IMPG2: variants seen among roughly 807,000 people sequenced by gnomAD.
IMPG2 encodes the protein interphotoreceptor matrix proteoglycan 2.
IMPG2 carries 91 observed loss-of-function variants against 129.2 expected under a neutral mutation model. The ratio of observed to expected loss-of-function variants is 0.70; its 90% CI spans 0.59 to 0.84. IMPG2 has a LOEUF of 0.84. Among genes scored for constraint, IMPG2 ranks in the 40% least tolerant of loss-of-function variants. The pLI is 0.00. For synonymous variants in IMPG2, 510 were observed against 517.7 expected (o/e 0.99, Z 0.20); for missense variants, 1,430 against 1,461.7 (o/e 0.98, Z 0.35).
intron 3 of IMPG2, among the ~76,000 whole-genome samples, chr3:101,291,753 G>A (rs1707016672): frequency 6.6e-6 from 1 of 152,044 alleles, no homozygotes. Context: ...TTCTTAATGG[G>A]CTCAAATAAC....
At chr3:101,303,068 C>T (rs768635335) in intron 3 of IMPG2, among the ~76,000 whole-genome samples, 7 of 152,104 alleles carry the variant, frequency 4.6e-5, no homozygotes, top group Non-Finnish European at 7.4e-5. Flanking sequence ...TGATTATACA[C>T]AAAATAGCTC....
chr3:101,304,111 A>C (rs368124028), intron 3 of IMPG2, 35 bp downstream of exon 3: 32 of 1,609,368 alleles, frequency 2.0e-5, no homozygotes, highest in Middle Eastern at 3.3e-4. Flanking sequence ...CTCCTACAAT[A>C]GTCCAGGAAT....
intron 14 of IMPG2, among the ~76,000 whole-genome samples, chr3:101,234,710 A>G (rs116202085): frequency 0.019 from 2,829 of 152,308 alleles, 84 homozygotes; most frequent in African/African-American, 0.065. Context: ...AGTGAGGGAT[A>G]GGAGTGTCTA....
chr3:101,228,751 CTGT>C (rs1167545521), intron 18 of IMPG2, 43 bp downstream of exon 18: 9 of 1,441,008 alleles, frequency 6.2e-6, no homozygotes, highest in Non-Finnish European at 7.8e-6. Flanking sequence ...CTAGAGTAAA[CTGT>C]TAAGTCTGTA....
In IMPG2 at chr3:101,246,107, T is replaced by TG. The variant is rs762013280; in HGVS notation, c.1240-3dup. ...CCATGCAGCTTGAAAGGTATTATCC[T>TG]GGGGGGAAAAAAAGGCTAAATCATA... On this transcript the variant is annotated splice_region_variant and splice_polypyrimidine_tract_variant and intron_variant, in intron 11 of 18. Coordinates refer to ENST00000193391, the MANE Select transcript of IMPG2 (RefSeq NM_016247.4). The TG allele has an allele frequency of 3.1e-6, 5 of 1,612,072 alleles. No individual in the cohort carries two copies. The highest frequency in any genetic ancestry group is 4.2e-6 in the Non-Finnish European group (5 of 1,179,424).
intron 10 of IMPG2, among the ~76,000 whole-genome samples, chr3:101,255,954 C>T (rs774011546): frequency 1.3e-5 from 2 of 151,090 alleles, no homozygotes; most frequent in Non-Finnish European, 2.9e-5. Flanking sequence ...AAGCCCAGAC[C>T]ACTTTGTGAC....
At chr3:101,279,117 C>T (rs1706867678) in intron 4 of IMPG2, among the ~76,000 whole-genome samples, 1 of 152,182 alleles carries the variant, frequency 6.6e-6, no homozygotes, top group Non-Finnish European at 1.5e-5. Flanking sequence ...TTCCCAGGCT[C>T]ACACAAAAAT....
At chr3:101,303,199 G>T (rs1274902139) in intron 3 of IMPG2, among the ~76,000 whole-genome samples, 1 of 151,990 alleles carries the variant, frequency 6.6e-6, no homozygotes, top group Non-Finnish European at 1.5e-5. Context: ...ATACAATGTG[G>T]TTATTGCTCA....
intron 13 of IMPG2, among the ~76,000 whole-genome samples, chr3:101,243,322 C>G (rs1189818586): frequency 1.3e-5 from 2 of 152,206 alleles, no homozygotes; most frequent in African/African-American, 4.8e-5. Context: ...TCACATCACT[C>G]TCATGCCACT....
Position 101,225,544 on chromosome 3 carries a change from G to A in IMPG2, c.*1425C>T, listed in dbSNP as rs1004105110. ...ACTGAGCCCAGATATTTAGTTTCCGGTGTCCTCATAATGAGCAGAATTGGC... is the reference window on the plus strand; with the variant it reads ...ACTGAGCCCAGATATTTAGTTTCCGATGTCCTCATAATGAGCAGAATTGGC... On this transcript the variant is annotated 3_prime_UTR_variant, in exon 19 of 19. Transcript: ENST00000193391. The A allele has an allele frequency of 6.6e-6, 1 of 151,990 alleles. No homozygotes were observed. Among genetic ancestry groups the A allele is most frequent in the Non-Finnish European group, 1.5e-5 (1 of 68,022 alleles). The allele number at this position is 151,990 out of a possible 1,614,324, so 9.4% of individuals were successfully genotyped here.
intron 11 of IMPG2, among the ~76,000 whole-genome samples, chr3:101,251,397 T>A (rs1706542688): frequency 1.3e-5 from 2 of 151,978 alleles, no homozygotes; most frequent in African/African-American, 4.8e-5. Context: ...GGATAAATAT[T>A]CCCTAAAAAA....
intron 12 of IMPG2, among the ~76,000 whole-genome samples, chr3:101,245,209 T>C (rs1706463053): frequency 6.6e-6 from 1 of 152,232 alleles, no homozygotes; most frequent in African/African-American, 2.4e-5. Context: ...ATTCACTCGA[T>C]GTTCACAATC....
chr3:101,299,602 CTGT>C (rs922780218), intron 3 of IMPG2, among the ~76,000 whole-genome samples: 10 of 152,170 alleles, frequency 6.6e-5, no homozygotes, highest in East Asian at 1.9e-4. Flanking sequence ...GTTGTTGATG[CTGT>C]TGTTGTTGTT....
intron 7 of IMPG2, among the ~76,000 whole-genome samples, chr3:101,273,175 T>C (rs1293807186): frequency 6.6e-6 from 1 of 152,216 alleles, no homozygotes; most frequent in Admixed American, 6.5e-5. Context: ...GTGTTAACTA[T>C]TGAAAATTTT....
chr3:101,288,010 T>C (rs777138961), intron 4 of IMPG2, among the ~76,000 whole-genome samples: 1 of 151,974 alleles, frequency 6.6e-6, no homozygotes, highest in Non-Finnish European at 1.5e-5. Flanking sequence ...AGGTCTAATA[T>C]CAAGAATCTA....
chr3:101,249,179 C>T (rs1274527582), intron 11 of IMPG2, among the ~76,000 whole-genome samples: 1 of 152,174 alleles, frequency 6.6e-6, no homozygotes, highest in East Asian at 1.9e-4. Context: ...TTAGTCTCTG[C>T]ATACCTCAAC....
chr3:101,266,754 T>G (rs1033990125), intron 9 of IMPG2, among the ~76,000 whole-genome samples: 3 of 152,146 alleles, frequency 2.0e-5, no homozygotes, highest in Non-Finnish European at 4.4e-5. Context: ...GAACAAGACA[T>G]GCAGACCTTG....
chr3:101,256,207 AAGAAAG>A (rs1333081745), intron 10 of IMPG2, among the ~76,000 whole-genome samples: 3 of 150,982 alleles, frequency 2.0e-5, no homozygotes, highest in Admixed American at 6.6e-5. Context: ...GAAAGAAAGA[AAGAAAG>A]AAAGAAAAAA....
chr3:101,237,560 G>A (rs958314988), intron 14 of IMPG2, among the ~76,000 whole-genome samples: 3 of 152,146 alleles, frequency 2.0e-5, no homozygotes, highest in African/African-American at 7.2e-5. Context: ...CTCCATTGGT[G>A]ATACCCAGGC....
Sources: allele counts gnomAD v4.1 joint callset (sites outside exome capture counted in the v4.1 genomes callset), GRCh38; gene constraint gnomAD v4.1.1; transcripts MANE v1.5; gene names NCBI Gene and HGNC (gene_info 2026-07-23, HGNC 2026-07-21).